CEP162: variants seen among roughly 807,000 people sequenced by gnomAD.
CEP162 encodes the protein centrosomal protein of 162 kDa.
CEP162 carries 141 observed loss-of-function variants against 169.2 expected under a neutral mutation model. That is an observed-to-expected ratio of 0.83 (90% CI 0.73 to 0.96). The LOEUF (loss-of-function observed/expected upper bound fraction) is 0.96. CEP162 is among the 40% of genes least tolerant of loss of function. The pLI is 0.00. For missense variants in CEP162, 1,600 were observed against 1,587.2 expected, an observed-to-expected ratio of 1.01 and a Z score of -0.14; for synonymous variants, 540 against 526.4, an observed-to-expected ratio of 1.03 and a Z score of -0.35.
intron 23 of CEP162, 123 bp downstream of exon 23, chr6:84,152,414 ATAATTTAT>A: frequency 2.0e-6 from 1 of 508,074 alleles, no homozygotes; most frequent in Non-Finnish European, 3.2e-6. Context: ...GCAATATAAT[ATAATTTAT>A]TAATATTCAC....
At position 84,155,321 on chromosome 6, in the gene CEP162, C is replaced by T; in HGVS notation, c.2971G>A (p.Glu991Lys). 1 of 1,613,406 alleles carries T rather than the reference C, an allele frequency of 6.2e-7. No homozygotes were observed. The highest frequency in any genetic ancestry group is 8.5e-7 in the Non-Finnish European group (1 of 1,179,574). The change falls in exon 22 of 27, where the codon GAA (glutamate) becomes AAA (lysine). Residue 991 changes from glutamate to lysine, a missense_variant. Glu to Lys is a moderately conservative substitution (Grantham distance 56, BLOSUM62 1). Coordinates refer to ENST00000403245, the MANE Select transcript of CEP162 (RefSeq NM_014895.4). ...EDAKKSLRTM[E>K]QQFQKMKIQY... ...ACCTTCATTTTCTGAAACTGTTGTT[C>T]CATGGTACGAAGGCTTTTCTTTGCA...
rs143239736 is a variant in CEP162, at chr6:84,177,828, T to C, written c.1664-2481A>G. On this transcript the variant is annotated intron_variant, in intron 13 of 26. Transcript: ENST00000403245. ...CTGGGATTACAGGTGTGAGTCACTG[T>C]GCCTGGCCTGAATAATCAATATTAG... 3.4e-3 allele frequency among the ~76,000 whole-genome samples: 525 copies of C among 152,302 alleles called. 3 individuals carry two copies. The highest frequency in any genetic ancestry group is 0.012 in the African/African-American group (483 of 41,570).
At chr6:84,147,905 T>A (rs1342154446) in intron 24 of CEP162, among the ~76,000 whole-genome samples, 1 of 152,156 alleles carries the variant, frequency 6.6e-6, no homozygotes, top group Non-Finnish European at 1.5e-5. Flanking sequence ...GAAAAATTTA[T>A]CTTATCTCTA....
intron 24 of CEP162, among the ~76,000 whole-genome samples, chr6:84,147,978 A>G (rs2099519670): frequency 6.6e-6 from 1 of 152,096 alleles, no homozygotes; most frequent in East Asian, 1.9e-4. Flanking sequence ...ACAATATTAC[A>G]TTTATAACGC....
At chr6:84,219,491 T>A (rs1011637003) in intron 3 of CEP162, among the ~76,000 whole-genome samples, 1 of 152,212 alleles carries the variant, frequency 6.6e-6, no homozygotes, top group South Asian at 2.1e-4. Flanking sequence ...TGATTCATTA[T>A]CTTCTAGACA....
Position 84,204,006 on chromosome 6 carries a change from G to T in CEP162, c.662C>A (p.Ser221Ter). The change falls in exon 7 of 27, where the codon TCA becomes TAA. Residue 221 changes from serine (S) to a stop codon, truncating the protein, a stop_gained. Coordinates refer to ENST00000403245, the MANE Select transcript of CEP162 (RefSeq NM_014895.4). LOFTEE classifies it high-confidence loss of function. ...EEMPSKENSK[S>*]EKISVPKQEE... is the part of the protein sequence containing the mutation. ...CTGTTTGGGCACACTTATTTTTTCT[G>T]ATTTGGAATTCTCTTTGGAAGGCAT... The T allele has an allele frequency of 6.2e-7, 1 of 1,607,376 alleles. No homozygotes were observed. The highest frequency in any genetic ancestry group is 8.5e-7 in the Non-Finnish European group (1 of 1,176,920).
intron 18 of CEP162, among the ~76,000 whole-genome samples, chr6:84,166,146 C>T (rs2099527731): frequency 6.6e-6 from 1 of 152,122 alleles, no homozygotes; most frequent in South Asian, 2.1e-4. Context: ...CATGTTAAAC[C>T]TGTTGGCCAG....
chr6:84,137,761 TATG>T (rs2099514777), intron 25 of CEP162, among the ~76,000 whole-genome samples: 1 of 152,124 alleles, frequency 6.6e-6, no homozygotes, highest in Admixed American at 6.5e-5. Flanking sequence ...TTGAAAAATC[TATG>T]ATGAATACTA....
chr6:84,222,473 TTTCTGGAAA>T (rs2099554084), intron 2 of CEP162, among the ~76,000 whole-genome samples: 1 of 152,168 alleles, frequency 6.6e-6, no homozygotes, highest in South Asian at 2.1e-4. Context: ...TACATTACTT[TTTCTGGAAA>T]AGAAACCAAC....
intron 18 of CEP162, among the ~76,000 whole-genome samples, 169 bp from the exon 19 acceptor site, chr6:84,163,439 A>G (rs2129210780): frequency 6.6e-6 from 1 of 152,250 alleles, no homozygotes; most frequent in East Asian, 1.9e-4. Context: ...AATGGCATGC[A>G]ATAGCCTATT....
chr6:84,173,928 G>T, intron 16 of CEP162, 120 bp downstream of exon 16: 1 of 712,642 alleles, frequency 1.4e-6, no homozygotes, highest in Admixed American at 3.1e-5. Context: ...CAGGTGATCC[G>T]CCCACCTCAT....
intron 22 of CEP162, among the ~76,000 whole-genome samples, chr6:84,154,034 T>C (rs866109209): frequency 6.6e-6 from 1 of 152,038 alleles, no homozygotes. Flanking sequence ...GAGTCAGGGA[T>C]GTTTTGGAAG....
intron 13 of CEP162, among the ~76,000 whole-genome samples, chr6:84,183,038 T>TA (rs1282286838): frequency 6.6e-6 from 1 of 152,194 alleles, no homozygotes; most frequent in African/African-American, 2.4e-5. Context: ...AATTCTTCAA[T>TA]AAAAAACAGA....
intron 14 of CEP162, 128 bp downstream of exon 14, chr6:84,175,086 T>C (rs2099531872): frequency 1.1e-6 from 1 of 870,988 alleles, no homozygotes; most frequent in South Asian, 2.0e-5. Context: ...AACTGTTTAG[T>C]AAGAGTGATT....
intron 2 of CEP162, among the ~76,000 whole-genome samples, chr6:84,222,882 T>G (rs1359674071): frequency 6.6e-6 from 1 of 152,210 alleles, no homozygotes; most frequent in Non-Finnish European, 1.5e-5. Flanking sequence ...CTGTCTTCAC[T>G]AACAAACAGG....
At chr6:84,201,276 T>C (rs2099544364) in intron 8 of CEP162, among the ~76,000 whole-genome samples, 1 of 144,776 alleles carries the variant, frequency 6.9e-6, no homozygotes, top group East Asian at 1.9e-4. Context: ...AGAGTCTGTC[T>C]CACAAACAAC....
At position 84,155,500 on chromosome 6, in the gene CEP162, A is replaced by G. The variant is rs1175922910; in HGVS notation, c.2792T>C (p.Met931Thr). ...IQDLERQVKE[M>T]EGILKRRYPN... ...ATATCTTCTCTTCAGAATCCCTTCC[A>G]TTTCCTTAACCTATTAAAACATATT... The change falls in exon 22 of 27, where the codon ATG (methionine) becomes ACG (threonine). Residue 931 changes from methionine (M) to threonine (T), a missense_variant. Physicochemically the swap from Met to Thr is moderately conservative, Grantham distance 81. Coordinates refer to ENST00000403245, the MANE Select transcript of CEP162 (RefSeq NM_014895.4). 1 of 1,606,032 alleles carries G rather than the reference A, an allele frequency of 6.2e-7. No individual in the cohort carries two copies.
At chr6:84,161,322 C>T (rs547703543) in intron 20 of CEP162, among the ~76,000 whole-genome samples, 7 of 152,216 alleles carry the variant, frequency 4.6e-5, no homozygotes, top group African/African-American at 1.2e-4. Flanking sequence ...AGTCAGGAAA[C>T]GTCTTTTCTA....
chr6:84,174,498 G>A (rs1028357528), intron 15 of CEP162, among the ~76,000 whole-genome samples: 8 of 152,078 alleles, frequency 5.3e-5, no homozygotes, highest in African/African-American at 1.9e-4. Flanking sequence ...ACTGCTAACA[G>A]AAGAAAACCA....
Sources: allele counts gnomAD v4.1 joint callset (sites outside exome capture counted in the v4.1 genomes callset), GRCh38; gene constraint gnomAD v4.1.1; transcripts MANE v1.5; gene names NCBI Gene and HGNC (gene_info 2026-07-23, HGNC 2026-07-21).